The following BDNF variants were observed in gnomAD, a reference collection of about 807,000 sequenced individuals.
BDNF encodes neurotrophic factor BDNF precursor form.
A neutral mutation model predicts 19.5 loss-of-function variants in BDNF; 1 was observed. The observed-to-expected ratio is 0.05, with a 90% CI of 0.02 to 0.24. BDNF has a LOEUF of 0.24. BDNF is among the 10% of genes least tolerant of loss of function. The pLI is 1.00. For synonymous variants in BDNF, 100 were observed against 121.6 expected (o/e 0.82, Z 1.17); for missense variants, 195 against 317.6 (o/e 0.61, Z 2.93).
At chr11:27,680,513 A>G (rs1402022175) in intron 1 of BDNF, among the ~76,000 whole-genome samples, 1 of 152,186 alleles carries the variant, frequency 6.6e-6, no homozygotes, top group African/African-American at 2.4e-5. Context: ...CTGATTTCCT[A>G]TTCAGAGTGC....
At chr11:27,686,724 C>T (rs1857538052) in intron 1 of BDNF, among the ~76,000 whole-genome samples, 1 of 152,114 alleles carries the variant, frequency 6.6e-6, no homozygotes, top group African/African-American at 2.4e-5. Context: ...GAATATTGGC[C>T]CCCACTCTCT....
At chr11:27,682,396 T>TATG (rs1856948516) in intron 1 of BDNF, among the ~76,000 whole-genome samples, 1 of 150,232 alleles carries the variant, frequency 6.7e-6, no homozygotes, top group Admixed American at 6.7e-5. Context: ...GTATTTCTTT[T>TATG]ATTATTATTA....
chr11:27,688,260 G>A (rs564211748), intron 1 of BDNF, among the ~76,000 whole-genome samples: 2 of 152,280 alleles, frequency 1.3e-5, no homozygotes, highest in African/African-American at 2.4e-5. Context: ...CCCCTCCCCC[G>A]ACCAAGCTGG....
At chr11:27,685,596 T>C (rs1412737511) in intron 1 of BDNF, among the ~76,000 whole-genome samples, 3 of 152,250 alleles carry the variant, frequency 2.0e-5, no homozygotes, top group African/African-American at 7.2e-5. Flanking sequence ...TGGTATGTTG[T>C]ATCTTTATTC....
chr11:27,721,652 AC>A (rs1289824318), exon 1 of BDNF: 1 of 596,244 alleles, frequency 1.7e-6, no homozygotes, highest in East Asian at 2.8e-5. Flanking sequence ...ATGTCGAAAA[AC>A]CTATAGATTT....
chr11:27,718,355 C>CA (rs1554950390), intron 1 of BDNF, among the ~76,000 whole-genome samples: 6 of 73,092 alleles, frequency 8.2e-5, no homozygotes, highest in Non-Finnish European at 2.1e-4. Context: ...CCGCACACCA[C>CA]CCCCCCCCGC....
intron 1 of BDNF, among the ~76,000 whole-genome samples, chr11:27,684,643 A>G (rs935955910): frequency 1.3e-5 from 2 of 152,212 alleles, no homozygotes; most frequent in Non-Finnish European, 2.9e-5. Flanking sequence ...CCTTTTCTGC[A>G]TCTATTGAAA....
chr11:27,721,296 G>T, intron 1 of BDNF: 4 of 1,206,590 alleles, frequency 3.3e-6, no homozygotes, highest in Non-Finnish European at 3.7e-6. Context: ...GATTCCCCTG[G>T]CCTGAGTAGC....
At chr11:27,664,648 T>G (rs899064652) in intron 1 of BDNF, among the ~76,000 whole-genome samples, 7 of 152,082 alleles carry the variant, frequency 4.6e-5, no homozygotes, top group African/African-American at 1.7e-4. Flanking sequence ...TTAGGTGTGG[T>G]GGTGCACACC....
At chr11:27,663,309 C>T (rs1374290611) in intron 1 of BDNF, among the ~76,000 whole-genome samples, 1 of 152,208 alleles carries the variant, frequency 6.6e-6, no homozygotes, top group African/African-American at 2.4e-5. Context: ...TTAAGGCTTA[C>T]AGCCATTAAT....
intron 1 of BDNF, among the ~76,000 whole-genome samples, chr11:27,695,480 G>C (rs750780902): frequency 4.6e-5 from 7 of 152,014 alleles, no homozygotes; most frequent in African/African-American, 9.7e-5. Flanking sequence ...AAACACAGAG[G>C]GTCGTCATAA....
intron 1 of BDNF, chr11:27,659,505 C>G (rs1853052924): frequency 4.0e-6 from 4 of 1,000,182 alleles, no homozygotes; most frequent in South Asian, 4.7e-5. Flanking sequence ...CAAATGCCTC[C>G]CATATGCAGA....
intron 1 of BDNF, among the ~76,000 whole-genome samples, chr11:27,692,872 A>C (rs918920365): frequency 1.3e-5 from 2 of 152,200 alleles, no homozygotes; most frequent in Non-Finnish European, 2.9e-5. Flanking sequence ...TACATCACAC[A>C]TGTTGACACT....
chr11:27,718,880 C>G (rs1860632617), intron 1 of BDNF, among the ~76,000 whole-genome samples: 1 of 152,174 alleles, frequency 6.6e-6, no homozygotes, highest in Admixed American at 6.5e-5. Flanking sequence ...CACCCCTACC[C>G]CAAGCTCTTG....
intron 1 of BDNF, among the ~76,000 whole-genome samples, chr11:27,694,266 A>T (rs978618804): frequency 6.6e-6 from 1 of 152,222 alleles, no homozygotes; most frequent in South Asian, 2.1e-4. Context: ...CAAATTACAC[A>T]TAAGAAATTA....
chr11:27,699,293 C>T lies in BDNF; in HGVS notation c.-22+871G>A, dbSNP rs939008400. On this transcript the variant is annotated intron_variant, in intron 1 of 1. Coordinates refer to ENST00000356660, the MANE Select transcript of BDNF (RefSeq NM_001709.5). ...CCCCGAGGCTTCTTCCTTAGGGATG[C>T]CCCTAGTCTGTAATCTCCCCTTCTT... 85 of 1,554,890 alleles carry T rather than the reference C, an allele frequency of 5.5e-5. No homozygotes were observed. The Admixed American group carries it at 1.4e-3, about 26-fold the overall frequency.
chr11:27,714,284 G>A (rs1467625720), intron 1 of BDNF, among the ~76,000 whole-genome samples: 1 of 151,956 alleles, frequency 6.6e-6, no homozygotes, highest in Non-Finnish European at 1.5e-5. Flanking sequence ...GCAATCCTTG[G>A]GCTACCTGCT....
chr11:27,719,200 C>T (rs937032435), intron 1 of BDNF, among the ~76,000 whole-genome samples: 1 of 152,166 alleles, frequency 6.6e-6, no homozygotes, highest in South Asian at 2.1e-4. Context: ...TCTATCTCAC[C>T]CGCCAAGCCC....
intron 1 of BDNF, among the ~76,000 whole-genome samples, chr11:27,708,825 C>CTTTTTTTTT (rs67977614): frequency 3.6e-5 from 4 of 112,434 alleles, no homozygotes; most frequent in African/African-American, 1.0e-4. Context: ...TAGAATTCCT[C>CTTTTTTTTT]TTTTTTTTTT....
Sources: gnomAD v4.1 joint callset for allele counts (sites outside exome capture counted in the v4.1 genomes callset) on GRCh38, gnomAD v4.1.1 for gene constraint, MANE v1.5 for transcripts, NCBI Gene and HGNC (gene_info 2026-07-23, HGNC 2026-07-21) for gene names.